Variants in DGCR2 observed in about 807,000 individuals in gnomAD.
DGCR2 encodes the protein DiGeorge syndrome critical region gene 2.
A neutral mutation model predicts 51.6 loss-of-function variants in DGCR2; 24 were observed. That is an observed-to-expected ratio of 0.47 (90% CI 0.34 to 0.65). The LOEUF (loss-of-function observed/expected upper bound fraction) is 0.65. Ranked by LOEUF, DGCR2 falls within the 30% of genes least tolerant of loss-of-function variation. DGCR2 has a pLI of 0.01. For synonymous variants in DGCR2, 340 were observed against 315.4 expected (o/e 1.08, Z -0.82); for missense variants, 765 against 772.1 (o/e 0.99, Z 0.11).
intron 9 of DGCR2, among the ~76,000 whole-genome samples, chr22:19,039,703 G>A (rs368306478): frequency 2.6e-5 from 4 of 152,212 alleles, no homozygotes; most frequent in African/African-American, 9.6e-5. Flanking sequence ...TGTTTTGCCC[G>A]ATCTTTATTA....
At chr22:19,073,979 G>A (rs930716172) in intron 2 of DGCR2, among the ~76,000 whole-genome samples, 7 of 152,174 alleles carry the variant, frequency 4.6e-5, no homozygotes, top group Non-Finnish European at 7.4e-5. Flanking sequence ...CACCAGGGGC[G>A]TCTGGGAAAG....
chr22:19,084,869 G>T (rs1381806336), intron 2 of DGCR2, among the ~76,000 whole-genome samples: 1 of 150,464 alleles, frequency 6.6e-6, no homozygotes, highest in African/African-American at 2.4e-5. Flanking sequence ...CCTCTGCCCA[G>T]CCGCCCCTTC....
rs1266985449 is a variant in DGCR2 at position 19,036,639 on chromosome 22, T to G, written c.*2226A>C. On this transcript the variant is annotated 3_prime_UTR_variant, in exon 10 of 10. Transcript: ENST00000263196. ...TGAGCGAGTCCAGCTCTCCTCATGC[T>G]CCCAAGGGCCTCCTGGAGCCACAGT... 1 of 152,124 alleles carries G rather than the reference T, an allele frequency of 6.6e-6. No homozygotes were observed. Among genetic ancestry groups the G allele is most frequent in the African/African-American group, 2.4e-5 (1 of 41,398 alleles). 9.4% of individuals were successfully genotyped at this position (152,124 alleles called of 1,614,324 possible).
intron 5 of DGCR2, chr22:19,060,516 C>T (rs1014532662): frequency 1.2e-5 from 2 of 168,430 alleles, no homozygotes; most frequent in South Asian, 1.3e-4. Flanking sequence ...ACATGAAACA[C>T]ACGCTGTTTT....
intron 5 of DGCR2, among the ~76,000 whole-genome samples, chr22:19,062,774 T>TATTCTCTCTCTCTCTCTCTC (rs1569052709): frequency 2.6e-5 from 3 of 113,872 alleles, no homozygotes; most frequent in South Asian, 3.8e-4. Context: ...CACACATGCA[T>TATTCTCTCTCTCTCTCTCTC]GCTCACTCTC....
At chr22:19,062,045 G>C (rs1444550105) in intron 5 of DGCR2, among the ~76,000 whole-genome samples, 1 of 152,204 alleles carries the variant, frequency 6.6e-6, no homozygotes, top group East Asian at 1.9e-4. Flanking sequence ...TCAGAATCAT[G>C]TCTTCTCTTC....
At chr22:19,078,170 T>C (rs1222492955) in intron 2 of DGCR2, among the ~76,000 whole-genome samples, 1 of 152,240 alleles carries the variant, frequency 6.6e-6, no homozygotes, top group Admixed American at 6.5e-5. Flanking sequence ...TGTCAGTGTT[T>C]TCAGTCTTTC....
intron 6 of DGCR2, among the ~76,000 whole-genome samples, chr22:19,055,646 G>C (rs1296722725): frequency 6.6e-6 from 1 of 152,174 alleles, no homozygotes; most frequent in Non-Finnish European, 1.5e-5. Flanking sequence ...CAATAAAGGA[G>C]TTTAGAAAAC....
At chr22:19,100,951 C>T (rs537423831) in intron 1 of DGCR2, among the ~76,000 whole-genome samples, 9 of 150,658 alleles carry the variant, frequency 6.0e-5, no homozygotes, top group South Asian at 2.1e-4. Flanking sequence ...CCAAAAAATA[C>T]AAAAATCAGC....
At chr22:19,085,560 T>C (rs1373089868) in intron 2 of DGCR2, among the ~76,000 whole-genome samples, 1 of 152,190 alleles carries the variant, frequency 6.6e-6, no homozygotes, top group African/African-American at 2.4e-5. Flanking sequence ...TGGTTCTGAG[T>C]GCTACTGCTC....
chr22:19,108,055 G>T (rs1333729523), intron 1 of DGCR2, among the ~76,000 whole-genome samples: 2 of 152,152 alleles, frequency 1.3e-5, no homozygotes, highest in African/African-American at 2.4e-5. Context: ...CCTCCTAGGG[G>T]CCAGGTGTTG....
intron 1 of DGCR2, among the ~76,000 whole-genome samples, chr22:19,098,372 T>C (rs2146029063): frequency 6.6e-6 from 1 of 152,302 alleles, no homozygotes; most frequent in Non-Finnish European, 1.5e-5. Flanking sequence ...GATAAGTATT[T>C]CCAGGTGGCC....
chr22:19,039,633 C>G (rs952101733), intron 9 of DGCR2, among the ~76,000 whole-genome samples: 14 of 152,320 alleles, frequency 9.2e-5, no homozygotes, highest in African/African-American at 3.4e-4. Flanking sequence ...GAAAACCACA[C>G]AGGTGTTTGC....
Position 19,122,155 on chromosome 22 carries a change from G to A in DGCR2, c.52C>T (p.Leu18Phe). Reference sequence around the variant, plus strand: ...GGCCGCAGCGGCTCGGTGACAGTGAGCACGAGCAGGAAGAGCAGCAGGAAG... The same window carrying A: ...GGCCGCAGCGGCTCGGTGACAGTGAACACGAGCAGGAAGAGCAGCAGGAAG... The part of the protein sequence containing the change: ...GAFLLLFLLV[L>F]TVTEPLRPEL... Residue 18 changes from leucine to phenylalanine, a missense_variant, in exon 1 of 10, where the codon CTC (leucine) becomes TTC (phenylalanine). Transcript: ENST00000263196. 3 of 1,509,550 alleles carry A rather than the reference G, an allele frequency of 2.0e-6. No individual in the cohort carries two copies. Among genetic ancestry groups the A allele is most frequent in the Non-Finnish European group, 2.7e-6 (3 of 1,128,820 alleles). 93.5% of individuals were successfully genotyped at this position (1,509,550 alleles called of 1,614,324 possible). A position where few individuals can be genotyped will look rare whatever the true frequency, so the allele number is the denominator to read the frequency against.
chr22:19,054,209 T>A (rs1262722184), intron 6 of DGCR2, among the ~76,000 whole-genome samples: 1 of 149,508 alleles, frequency 6.7e-6, no homozygotes, highest in Non-Finnish European at 1.5e-5. Context: ...GTGTCCTTGT[T>A]CTTAGGAAAT....
Position 19,068,213 on chromosome 22 carries a change from T to G in DGCR2, c.215A>C (p.Glu72Ala). ...CTCCTTCCCATGATGAGGACGCACC[T>G]CCCCGGTCACTTCTGAAAGCAAAAG... ...DEANCPEVTG[E>A]VRPHHGKEAV... Residue 72 changes from glutamate (E) to alanine (A), a missense_variant, in exon 3 of 10, where the codon GAG becomes GCG. By Grantham distance (107) the Glu-to-Ala change is moderately radical. Around this residue, in one of 3 missense-constraint regions of DGCR2, gnomAD observed 370 missense variants for 325.5 expected, o/e 1.14. Transcript: ENST00000263196. 6.2e-7 allele frequency: 1 copy of G among 1,600,384 alleles called. No homozygotes were observed. The highest frequency in any genetic ancestry group is 2.3e-5 in the East Asian group (1 of 44,394).
At chr22:19,112,716 G>A (rs933550682) in intron 1 of DGCR2, among the ~76,000 whole-genome samples, 2 of 144,212 alleles carry the variant, frequency 1.4e-5, no homozygotes, top group African/African-American at 5.1e-5. Flanking sequence ...AATTTCAGGT[G>A]TGAACCACCC....
chr22:19,121,208 T>C (rs894659810), intron 1 of DGCR2, among the ~76,000 whole-genome samples: 1 of 152,240 alleles, frequency 6.6e-6, no homozygotes, highest in Non-Finnish European at 1.5e-5. Context: ...TTAAGAGTCA[T>C]GCTTTTTCAC....
chr22:19,115,441 T>C (rs937893124), intron 1 of DGCR2, among the ~76,000 whole-genome samples: 1 of 152,206 alleles, frequency 6.6e-6, no homozygotes, highest in Non-Finnish European at 1.5e-5. Flanking sequence ...CCAGGCCAGC[T>C]GGCTCCACAG....
Sources: gnomAD v4.1 joint callset for allele counts (sites outside exome capture counted in the v4.1 genomes callset) on GRCh38, gnomAD v4.1.1 for gene constraint, gnomAD v4.1.1 regional missense constraint, MANE v1.5 for transcripts, NCBI Gene and HGNC (gene_info 2026-07-23, HGNC 2026-07-21) for gene names.